Variants in C16orf74 observed in about 807,000 individuals in gnomAD.
The protein encoded by C16orf74 is uncharacterized protein C16orf74.
In C16orf74, 10 loss-of-function variants were observed where a neutral mutation model predicts 6.5. The ratio of observed to expected loss-of-function variants is 1.54; its 90% CI spans 0.95 to 2.61. The LOEUF is 2.61. C16orf74 is among the 30% of genes most tolerant of loss of function. The probability of loss-of-function intolerance (pLI) is 0.00; values close to 1 mark genes in which losing one functional copy is unlikely to be tolerated. For synonymous variants in C16orf74, 60 were observed against 42.5 expected (o/e 1.41, Z -1.60); for missense variants, 141 against 105.9 (o/e 1.33, Z -1.45).
At chr16:85,729,151 C>A (rs1316979198) in intron 2 of C16orf74, among the ~76,000 whole-genome samples, 2 of 152,204 alleles carry the variant, frequency 1.3e-5, no homozygotes, top group African/African-American at 2.4e-5. Context: ...GTCTGTGGAG[C>A]CAACCCCTCC....
At chr16:85,740,635 G>A (rs1380404056) in intron 1 of C16orf74, among the ~76,000 whole-genome samples, 2 of 150,570 alleles carry the variant, frequency 1.3e-5, no homozygotes, top group African/African-American at 4.9e-5. Flanking sequence ...GAGCTTGCAG[G>A]GAGCCGAGAT....
chr16:85,735,096 C>T, intron 2 of C16orf74, 94 bp downstream of exon 2: 1 of 1,109,426 alleles, frequency 9.0e-7, no homozygotes. Context: ...GCTCCCTCTG[C>T]AGGGCAGAGG....
intron 2 of C16orf74, among the ~76,000 whole-genome samples, chr16:85,723,734 C>T (rs531044724): frequency 3.1e-4 from 47 of 152,298 alleles, no homozygotes; most frequent in South Asian, 2.9e-3. Context: ...GGTGGTGGGG[C>T]GTGCACGTAG....
At chr16:85,716,687 G>T (rs2054027615) in intron 2 of C16orf74, among the ~76,000 whole-genome samples, 1 of 145,694 alleles carries the variant, frequency 6.9e-6, no homozygotes, top group African/African-American at 2.5e-5. Context: ...GAGGAGGAAG[G>T]CGAGAGGGAG....
At chr16:85,725,979 G>T (rs1221417225) in intron 2 of C16orf74, among the ~76,000 whole-genome samples, 1 of 152,018 alleles carries the variant, frequency 6.6e-6, no homozygotes, top group Non-Finnish European at 1.5e-5. Flanking sequence ...GCTCAGCCCG[G>T]CCTCCATACC....
At chr16:85,716,085 C>T (rs2054020685) in intron 2 of C16orf74, among the ~76,000 whole-genome samples, 1 of 152,152 alleles carries the variant, frequency 6.6e-6, no homozygotes, top group South Asian at 2.1e-4. Context: ...GCTCAGTCTC[C>T]AAACCCCTTC....
At chr16:85,742,547 C>CT (rs925870583) in intron 1 of C16orf74, among the ~76,000 whole-genome samples, 18 of 149,284 alleles carry the variant, frequency 1.2e-4, no homozygotes, top group Non-Finnish European at 1.5e-4. Flanking sequence ...CCAAATGAAA[C>CT]TTTTTTTTTT....
rs1054414183 is a variant in C16orf74 at position 85,751,057 on chromosome 16, G to A, written c.-150C>T. The stretch of plus-strand genomic sequence containing the variant: ...GACGAGCCTGCAAGACAGAGCAGCG[G>A]GGGTCATGGCCCGGCCGGCGCTCGG... On this transcript the variant is annotated 5_prime_UTR_variant, in exon 1 of 4. Transcript: ENST00000284245. 1.5e-4 allele frequency: 22 copies of A among 148,810 alleles called. No homozygotes were observed. The East Asian group carries it at 2.9e-3, about 20-fold the overall frequency. 9.2% of individuals were successfully genotyped at this position (148,810 alleles called of 1,614,324 possible).
At position 85,710,322 on chromosome 16, in the gene C16orf74, G is replaced by A. The variant is rs774927447; in HGVS notation, c.29-15C>T. On this transcript the variant is annotated splice_polypyrimidine_tract_variant and intron_variant, in intron 2 of 3. Transcript: ENST00000284245. ...CATTTGAAAGCCTGAGAAGCCAGGC[G>A]TGGAGCACACACGCACGTACACACG... The A allele has an allele frequency of 1.3e-5, 20 of 1,490,894 alleles. 1 individual carries two copies. In the African/African-American group the frequency reaches 2.3e-4, roughly 17 times the overall value. The allele number at this position is 1,490,894 out of a possible 1,614,324, so 92.4% of individuals were successfully genotyped here.
intron 2 of C16orf74, among the ~76,000 whole-genome samples, chr16:85,714,225 CATG>C (rs2053997104): frequency 6.6e-6 from 1 of 151,942 alleles, no homozygotes; most frequent in Non-Finnish European, 1.5e-5. Flanking sequence ...GTGAGGTGAC[CATG>C]ATGAGCCCCC....
At chr16:85,739,036 G>A (rs1029450335) in intron 1 of C16orf74, among the ~76,000 whole-genome samples, 4 of 152,204 alleles carry the variant, frequency 2.6e-5, no homozygotes, top group African/African-American at 9.6e-5. Context: ...GGAGTCCCCA[G>A]GGGACAGAGC....
intron 1 of C16orf74, among the ~76,000 whole-genome samples, chr16:85,748,766 T>G (rs951018635): frequency 2.8e-4 from 43 of 152,250 alleles, no homozygotes; most frequent in African/African-American, 9.9e-4. Flanking sequence ...TGCACTGATG[T>G]TAATGCTGGT....
chr16:85,722,226 G>GT (rs1233930681), intron 2 of C16orf74, among the ~76,000 whole-genome samples: 2 of 152,154 alleles, frequency 1.3e-5, no homozygotes, highest in East Asian at 3.9e-4. Flanking sequence ...AAGGATGCAT[G>GT]GTACTAAGAG....
intron 2 of C16orf74, among the ~76,000 whole-genome samples, chr16:85,733,494 T>G (rs928103951): frequency 1.3e-5 from 2 of 152,208 alleles, no homozygotes; most frequent in South Asian, 4.1e-4. Context: ...CACAACACTG[T>G]GAACGTGCTT....
chr16:85,727,769 G>A (rs180734178), intron 2 of C16orf74, among the ~76,000 whole-genome samples: 2 of 151,790 alleles, frequency 1.3e-5, no homozygotes, highest in Admixed American at 1.3e-4. Context: ...AGCTGAGGTT[G>A]TGCCGCTGCA....
At chr16:85,730,454 G>A (rs114756567) in intron 2 of C16orf74, among the ~76,000 whole-genome samples, 3,878 of 152,078 alleles carry the variant, frequency 0.026, 166 homozygotes, top group African/African-American at 0.089. Flanking sequence ...TTCCCAGACT[G>A]GAGGGGAAGG....
At chr16:85,726,084 C>T (rs2054129949) in intron 2 of C16orf74, among the ~76,000 whole-genome samples, 1 of 152,170 alleles carries the variant, frequency 6.6e-6, no homozygotes, top group Admixed American at 6.5e-5. Flanking sequence ...TTCCCTGCAT[C>T]CACATGGCTA....
At chr16:85,718,384 C>T (rs914599788) in intron 2 of C16orf74, among the ~76,000 whole-genome samples, 2 of 152,202 alleles carry the variant, frequency 1.3e-5, no homozygotes, top group African/African-American at 4.8e-5. Context: ...TTAAAAACAG[C>T]GTTTGGGCTT....
At chr16:85,715,090 G>A (rs939091917) in intron 2 of C16orf74, among the ~76,000 whole-genome samples, 5 of 151,336 alleles carry the variant, frequency 3.3e-5, no homozygotes, top group Non-Finnish European at 5.9e-5. Context: ...CCGGGAGGCG[G>A]AGCTTGCAGT....
Sources: gnomAD v4.1 joint callset for allele counts (sites outside exome capture counted in the v4.1 genomes callset) on GRCh38, gnomAD v4.1.1 for gene constraint, MANE v1.5 for transcripts, NCBI Gene and HGNC (gene_info 2026-07-23, HGNC 2026-07-21) for gene names.